STARD13: variants seen among roughly 807,000 people sequenced by gnomAD.
The protein encoded by STARD13 is StAR related lipid transfer domain containing 13, also known as stAR-related lipid transfer protein 13.
In STARD13, 62 loss-of-function variants were observed where a neutral mutation model predicts 106.4. The ratio of observed to expected loss-of-function variants is 0.58; its 90% CI spans 0.48 to 0.72. The LOEUF is 0.72. Ranked by LOEUF, STARD13 falls within the 30% of genes least tolerant of loss-of-function variation. The pLI is 0.00. For missense variants in STARD13, 1,387 were observed against 1,424.0 expected (o/e 0.97, Z 0.42); for synonymous variants, 565 against 553.0 (o/e 1.02, Z -0.31).
the STARD13 span, among the ~76,000 whole-genome samples, chr13:33,667,206 G>T: frequency 6.6e-6 from 1 of 152,224 alleles, no homozygotes; most frequent in Non-Finnish European, 1.5e-5. Flanking sequence ...CAACAGCGAT[G>T]ATATGGAAAG....
intron 4 of STARD13, among the ~76,000 whole-genome samples, chr13:33,136,503 T>A (rs948608778): frequency 7.2e-5 from 11 of 152,200 alleles, no homozygotes; most frequent in African/African-American, 2.7e-4. Flanking sequence ...CATGTTTTCC[T>A]CTGATTGATC....
chr13:33,144,808 G>T (rs1464440511), intron 3 of STARD13, among the ~76,000 whole-genome samples: 1 of 152,158 alleles, frequency 6.6e-6, no homozygotes, highest in Non-Finnish European at 1.5e-5. Context: ...TTTATAAAAT[G>T]AACTTATCTA....
rs143843780 is a variant in STARD13 at position 33,324,242 on chromosome 13, G to A, written c.124+26048C>T. ...TTTTCAAGTTAAGTGTGTTACTTGA[G>A]AATATTCGAAAACATTTGCTAAGGG... is the stretch of plus-strand genomic sequence containing the variant. On this transcript the variant is annotated intron_variant, in intron 1 of 5. Transcript: ENST00000567873. 4.6e-5 allele frequency among the ~76,000 whole-genome samples: 7 copies of A among 152,270 alleles called. No individual in the cohort carries two copies. The East Asian group carries it at 1.2e-3, about 25-fold the overall frequency.
intron 3 of STARD13, among the ~76,000 whole-genome samples, chr13:33,146,294 A>T (rs1880532951): frequency 6.6e-6 from 1 of 151,926 alleles, no homozygotes; most frequent in South Asian, 2.1e-4. Context: ...ATTGCACCCC[A>T]GCCTGGGTGA....
the STARD13 span, among the ~76,000 whole-genome samples, chr13:33,590,278 G>A: frequency 1.3e-5 from 2 of 152,122 alleles, no homozygotes; most frequent in Non-Finnish European, 2.9e-5. Context: ...AACCATTGCG[G>A]AAGACAGTGT....
intron 1 of STARD13, among the ~76,000 whole-genome samples, chr13:33,304,460 A>G (rs1892830426): frequency 6.6e-6 from 1 of 152,180 alleles, no homozygotes; most frequent in African/African-American, 2.4e-5. Context: ...TCTTGAAAAG[A>G]AACATCTGTC....
At chr13:33,137,195 G>T (rs930832573) in intron 4 of STARD13, among the ~76,000 whole-genome samples, 2 of 151,950 alleles carry the variant, frequency 1.3e-5, no homozygotes, top group African/African-American at 4.8e-5. Context: ...TTAGTCTGTG[G>T]CAGACTGGAA....
At chr13:33,463,157 G>T in the STARD13 span, among the ~76,000 whole-genome samples, 152 of 152,276 alleles carry the variant, frequency 1.0e-3, no homozygotes, top group Admixed American at 1.6e-3. Flanking sequence ...ATTTTGCCCA[G>T]GAAAGAATTC....
chr13:33,357,091 C>G, the STARD13 span, among the ~76,000 whole-genome samples: 11 of 152,172 alleles, frequency 7.2e-5, no homozygotes, highest in Admixed American at 7.2e-4. Flanking sequence ...GCATATGGAG[C>G]AAGTACATTT....
chr13:33,434,893 AGAAGGAAGGAAGGAAGGAAG>A, the STARD13 span, among the ~76,000 whole-genome samples: 187 of 130,634 alleles, frequency 1.4e-3, 4 homozygotes, highest in African/African-American at 5.1e-3. Context: ...AGGGAAGGAA[AGAAGGAAGGAAGGAAGGAAG>A]GAAGGAAGGA....
At chr13:33,442,159 G>C in the STARD13 span, among the ~76,000 whole-genome samples, 1 of 152,186 alleles carries the variant, frequency 6.6e-6, no homozygotes, top group African/African-American at 2.4e-5. Context: ...ATAATGTTCT[G>C]ACAATCATGT....
the STARD13 span, among the ~76,000 whole-genome samples, chr13:33,469,264 C>T: frequency 6.6e-6 from 1 of 152,192 alleles, no homozygotes; most frequent in South Asian, 2.1e-4. Flanking sequence ...GTTTCAGAAG[C>T]AGCATCCAAC....
chr13:33,444,981 G>C, the STARD13 span, among the ~76,000 whole-genome samples: 6 of 152,272 alleles, frequency 3.9e-5, no homozygotes, highest in East Asian at 1.2e-3. Context: ...AATGTACCCA[G>C]TAATGTATCC....
At chr13:33,463,034 A>G in the STARD13 span, among the ~76,000 whole-genome samples, 1 of 152,200 alleles carries the variant, frequency 6.6e-6, no homozygotes, top group African/African-American at 2.4e-5. Context: ...TTCCATTTAA[A>G]TGGTCAATAC....
the STARD13 span, among the ~76,000 whole-genome samples, chr13:33,675,670 AATT>A: frequency 6.6e-6 from 1 of 152,208 alleles, no homozygotes; most frequent in East Asian, 1.9e-4. Flanking sequence ...GGGAAGTAAC[AATT>A]AACTTAGTCC....
chr13:33,139,934 T>C (rs922686475), intron 4 of STARD13, among the ~76,000 whole-genome samples: 1 of 152,208 alleles, frequency 6.6e-6, no homozygotes, highest in African/African-American at 2.4e-5. Context: ...CATTATTTAT[T>C]TGAAAATTCA....
chr13:33,676,452 A>G, the STARD13 span, among the ~76,000 whole-genome samples: 2 of 152,186 alleles, frequency 1.3e-5, no homozygotes, highest in Admixed American at 1.3e-4. Flanking sequence ...ACAAATCTAC[A>G]TGACCGTTTC....
At chr13:33,203,517 AT>A (rs145396232) in intron 1 of STARD13, among the ~76,000 whole-genome samples, 4,324 of 151,226 alleles carry the variant, frequency 0.029, 224 homozygotes, top group African/African-American at 0.099. Flanking sequence ...ACTATTATCC[AT>A]TTTTTTTTAC....
the STARD13 span, among the ~76,000 whole-genome samples, chr13:33,431,934 A>G: frequency 6.6e-6 from 1 of 152,154 alleles, no homozygotes; most frequent in Non-Finnish European, 1.5e-5. Context: ...TGTGACTGGC[A>G]CTCTGCTTAG....
Sources: allele counts gnomAD v4.1 joint callset (sites outside exome capture counted in the v4.1 genomes callset), GRCh38; gene constraint gnomAD v4.1.1; transcripts MANE v1.5; gene names NCBI Gene and HGNC (gene_info 2026-07-23, HGNC 2026-07-21).